ADCY8: variants seen among roughly 807,000 people sequenced by gnomAD.
ADCY8 encodes adenylate cyclase type 8.
Under a neutral mutation model 119.7 loss-of-function variants are expected in ADCY8, and 51 were observed. That is an observed-to-expected ratio of 0.43 (90% CI 0.34 to 0.54). ADCY8 has a LOEUF of 0.54. Ranked by LOEUF, ADCY8 falls within the 20% of genes least tolerant of loss-of-function variation. The probability of loss-of-function intolerance (pLI) is 0.03; values close to 1 mark genes in which losing one functional copy is unlikely to be tolerated. For missense variants in ADCY8, 1,383 were observed against 1,598.8 expected (o/e 0.87, Z 2.30); for synonymous variants, 665 against 651.0 (o/e 1.02, Z -0.33).
At chr8:130,838,505 A>AGTTTTC (rs1251505060) in intron 11 of ADCY8, among the ~76,000 whole-genome samples, 1 of 142,652 alleles carries the variant, frequency 7.0e-6, no homozygotes, top group African/African-American at 2.4e-5. Context: ...TGCTCCAGAG[A>AGTTTTC]AACTCTAAGG....
At chr8:130,957,564 C>T (rs1821468370) in intron 2 of ADCY8, among the ~76,000 whole-genome samples, 1 of 152,210 alleles carries the variant, frequency 6.6e-6, no homozygotes, top group East Asian at 1.9e-4. Context: ...GAATGTTAAT[C>T]CCCAGGACAA....
chr8:130,785,108 A>C (rs1411023435), intron 16 of ADCY8, among the ~76,000 whole-genome samples: 1 of 152,266 alleles, frequency 6.6e-6, no homozygotes, highest in African/African-American at 2.4e-5. Flanking sequence ...ACTAAATCAC[A>C]ATAGGCTATT....
At chr8:131,030,845 T>C (rs969149183) in intron 1 of ADCY8, among the ~76,000 whole-genome samples, 1 of 152,240 alleles carries the variant, frequency 6.6e-6, no homozygotes, top group Non-Finnish European at 1.5e-5. Flanking sequence ...GAACTAATTA[T>C]GTCGCCTGAA....
At chr8:131,002,836 T>TAAC (rs1447704220) in intron 1 of ADCY8, among the ~76,000 whole-genome samples, 1 of 151,862 alleles carries the variant, frequency 6.6e-6, no homozygotes, top group African/African-American at 2.4e-5. Flanking sequence ...TTTCAAATGA[T>TAAC]AACAGAAAGA....
At chr8:130,899,857 C>T (rs1453628299) in intron 7 of ADCY8, among the ~76,000 whole-genome samples, 1 of 152,148 alleles carries the variant, frequency 6.6e-6, no homozygotes, top group Non-Finnish European at 1.5e-5. Flanking sequence ...GATTCAATGT[C>T]CATGTTGATA....
chr8:130,873,752 T>C (rs1436213985), intron 8 of ADCY8, among the ~76,000 whole-genome samples: 1 of 152,188 alleles, frequency 6.6e-6, no homozygotes, highest in Non-Finnish European at 1.5e-5. Context: ...TATAAGCTGT[T>C]AACTCCTGCT....
intron 17 of ADCY8, among the ~76,000 whole-genome samples, chr8:130,782,505 C>T (rs971833641): frequency 2.6e-5 from 4 of 152,152 alleles, no homozygotes; most frequent in African/African-American, 9.7e-5. Flanking sequence ...TTTCCAACCT[C>T]TGAGATCAGT....
At chr8:130,866,801 TG>T (rs1818140100) in intron 9 of ADCY8, among the ~76,000 whole-genome samples, 1 of 152,146 alleles carries the variant, frequency 6.6e-6, no homozygotes, top group African/African-American at 2.4e-5. Flanking sequence ...GAATGGGAAT[TG>T]GAATGCTGCC....
At chr8:130,999,076 C>T (rs1292350276) in intron 1 of ADCY8, among the ~76,000 whole-genome samples, 1 of 152,126 alleles carries the variant, frequency 6.6e-6, no homozygotes, top group Non-Finnish European at 1.5e-5. Context: ...GTCCATCAAC[C>T]TTACTCAATC....
chr8:130,984,510 A>G (rs975348725), intron 2 of ADCY8, among the ~76,000 whole-genome samples: 6 of 151,540 alleles, frequency 4.0e-5, no homozygotes, highest in African/African-American at 1.5e-4. Context: ...CATAGATCGT[A>G]AGGAAAGTGG....
intron 14 of ADCY8, among the ~76,000 whole-genome samples, chr8:130,806,403 G>T (rs1272633096): frequency 6.6e-6 from 1 of 152,136 alleles, no homozygotes; most frequent in Admixed American, 6.5e-5. Context: ...TATCCCTATT[G>T]CTTCAATTAG....
In ADCY8 at chr8:130,838,895, G is replaced by A. The variant is rs1010773915; in HGVS notation, c.2503-2446C>T. 1.4e-5 allele frequency among the ~76,000 whole-genome samples: 2 copies of A among 140,648 alleles called. 1 individual carries two copies. The highest frequency in any genetic ancestry group is 3.2e-5 in the Non-Finnish European group (2 of 62,148). 92.3% of individuals were successfully genotyped at this position (140,648 alleles called of 152,430 possible). On this transcript the variant is annotated intron_variant, in intron 11 of 17. Transcript: ENST00000286355. ...CCAGCAATGTGACCAAATGCAATGT[G>A]GGTACAGAGGAAGGACAAAGCGTTG...
intron 9 of ADCY8, among the ~76,000 whole-genome samples, chr8:130,866,777 A>C (rs1175256976): frequency 6.6e-6 from 1 of 152,176 alleles, no homozygotes; most frequent in Non-Finnish European, 1.5e-5. Flanking sequence ...GACCTGGGAT[A>C]AATCCTCATC....
chr8:130,974,772 A>G (rs1288498249), intron 2 of ADCY8, among the ~76,000 whole-genome samples: 3 of 152,218 alleles, frequency 2.0e-5, no homozygotes, highest in African/African-American at 7.2e-5. Flanking sequence ...CACCCCTGCA[A>G]GATTTAAAAC....
At chr8:130,999,860 C>G (rs1410369025) in intron 1 of ADCY8, among the ~76,000 whole-genome samples, 2 of 152,206 alleles carry the variant, frequency 1.3e-5, no homozygotes, top group African/African-American at 4.8e-5. Flanking sequence ...CGATGTGTTG[C>G]AATCCAGTAC....
At chr8:130,810,022 G>C (rs1816112003) in intron 14 of ADCY8, among the ~76,000 whole-genome samples, 1 of 152,180 alleles carries the variant, frequency 6.6e-6, no homozygotes, top group Non-Finnish European at 1.5e-5. Context: ...GAGGCTTTGT[G>C]CATCACACAA....
chr8:130,931,919 A>G (rs1326864355), intron 5 of ADCY8, among the ~76,000 whole-genome samples: 1 of 152,076 alleles, frequency 6.6e-6, no homozygotes, highest in African/African-American at 2.4e-5. Context: ...AATATTTGGC[A>G]GGTAGTTCAC....
chr8:130,997,971 C>T (rs12674631), intron 1 of ADCY8, among the ~76,000 whole-genome samples: 92,334 of 152,076 alleles, frequency 0.61, 29,952 homozygotes, highest in African/African-American at 0.84. Context: ...CCTTATGCAT[C>T]TGTAAACTAC....
chr8:130,842,853 C>CA (rs1817188076), intron 11 of ADCY8, among the ~76,000 whole-genome samples: 1 of 132,492 alleles, frequency 7.5e-6, no homozygotes, highest in African/African-American at 2.9e-5. Flanking sequence ...GCCTGAGCAA[C>CA]AGAGTGACAC....
Sources: allele counts gnomAD v4.1 joint callset (sites outside exome capture counted in the v4.1 genomes callset), GRCh38; gene constraint gnomAD v4.1.1; transcripts MANE v1.5; gene names NCBI Gene and HGNC (gene_info 2026-07-23, HGNC 2026-07-21).